The following CNGB1 variants were observed in gnomAD, a reference collection of about 807,000 sequenced individuals.
The protein encoded by CNGB1 is cyclic nucleotide gated channel subunit beta 1.
CNGB1 carries 126 observed loss-of-function variants against 151.7 expected under a neutral mutation model. The ratio of observed to expected loss-of-function variants is 0.83; its 90% CI spans 0.72 to 0.96. The LOEUF (loss-of-function observed/expected upper bound fraction) is 0.96. CNGB1 is among the 40% of genes least tolerant of loss of function. CNGB1 has a pLI of 0.00. For synonymous variants in CNGB1, 623 were observed against 635.1 expected, an observed-to-expected ratio of 0.98 and a Z score of 0.29; for missense variants, 1,698 against 1,627.0, an observed-to-expected ratio of 1.04 and a Z score of -0.75.
intron 2 of CNGB1, 69 bp from the exon 3 acceptor site, chr16:57,964,613 A>AT: frequency 6.9e-7 from 1 of 1,451,448 alleles, no homozygotes; most frequent in Non-Finnish European, 9.6e-7. Context: ...GGGCAGCCTG[A>AT]TTCTCCCTCA....
intron 12 of CNGB1, among the ~76,000 whole-genome samples, chr16:57,954,202 T>A (rs1371318996): frequency 6.6e-6 from 1 of 152,234 alleles, no homozygotes; most frequent in Non-Finnish European, 1.5e-5. Context: ...CTCTCCTGTA[T>A]GCCACACTTT....
chr16:57,921,502 G>A (rs1257122821), intron 18 of CNGB1, among the ~76,000 whole-genome samples: 19 of 152,240 alleles, frequency 1.2e-4, no homozygotes, highest in African/African-American at 1.9e-4. Context: ...GATTGCAGGC[G>A]TGAGACACCG....
At position 57,884,367 on chromosome 16, in the gene CNGB1, CG is replaced by C. The variant is rs1959848977; in HGVS notation, c.3552del (p.Ala1185ArgfsTer39). 6.2e-7 allele frequency: 1 copy of C among 1,611,186 alleles called. No homozygotes were observed. Among genetic ancestry groups the C allele is most frequent in the African/African-American group, 1.3e-5 (1 of 74,854 alleles). On this transcript the variant is annotated frameshift_variant, in exon 33 of 33. Coordinates refer to ENST00000251102, the MANE Select transcript of CNGB1 (RefSeq NM_001297.5). LOFTEE classifies it low-confidence loss of function (END_TRUNC). ...THPKEAATDP[P>X]APRTPPEPPG... is the part of the protein sequence containing the mutation. ...GGGGGCTCGGGGGGCGTCCGGGGCG[CG>C]GGTGGGTCGGTGGCGGCCTCCTTTG... is the stretch of plus-strand genomic sequence containing the variant.
At chr16:57,904,610 C>T in intron 26 of CNGB1, 124 bp downstream of exon 26, 1 of 1,362,034 alleles carries the variant, frequency 7.3e-7, no homozygotes, top group Non-Finnish European at 1.0e-6. Context: ...TCCTGACTCT[C>T]AGTCTAGTGC....
chr16:57,927,472 G>T (rs1262117270), intron 17 of CNGB1, among the ~76,000 whole-genome samples: 5 of 152,220 alleles, frequency 3.3e-5, no homozygotes, highest in African/African-American at 9.6e-5. Flanking sequence ...AGTCAACCTG[G>T]CACTTGCTTG....
chr16:57,938,141 C>T (rs1288040477), intron 16 of CNGB1, among the ~76,000 whole-genome samples: 1 of 152,178 alleles, frequency 6.6e-6, no homozygotes, highest in African/African-American at 2.4e-5. Flanking sequence ...TATGCCTCAG[C>T]ATTTCTCAGA....
At chr16:57,904,582 G>A in intron 26 of CNGB1, 152 bp downstream of exon 26, 2 of 1,053,814 alleles carry the variant, frequency 1.9e-6, no homozygotes, top group East Asian at 2.4e-5. Context: ...TCACCGCGCA[G>A]GGACCAGTGC....
At chr16:57,957,411 C>T in intron 11 of CNGB1, 34 bp from the exon 12 acceptor site, 4 of 1,607,484 alleles carry the variant, frequency 2.5e-6, no homozygotes, top group Middle Eastern at 1.7e-4. Context: ...AAAATCCTGC[C>T]ACGGCCTCTT....
intron 17 of CNGB1, among the ~76,000 whole-genome samples, chr16:57,930,925 G>A (rs891630509): frequency 7.2e-5 from 11 of 151,946 alleles, no homozygotes; most frequent in African/African-American, 2.7e-4. Context: ...CATGCAAGAC[G>A]AAAAATTCTA....
chr16:57,948,980 A>G (rs1331942636), intron 14 of CNGB1, among the ~76,000 whole-genome samples: 1 of 152,174 alleles, frequency 6.6e-6, no homozygotes, highest in Non-Finnish European at 1.5e-5. Context: ...GAATAAAGGG[A>G]GAACTGGGAG....
chr16:57,939,842 G>A (rs749342906), intron 15 of CNGB1, among the ~76,000 whole-genome samples: 8 of 152,210 alleles, frequency 5.3e-5, no homozygotes, highest in Non-Finnish European at 7.3e-5. Flanking sequence ...AGGGACACTC[G>A]CAGCCTGGCA....
chr16:57,892,959 C>T (rs1351265860), intron 31 of CNGB1, among the ~76,000 whole-genome samples: 1 of 152,184 alleles, frequency 6.6e-6, no homozygotes, highest in African/African-American at 2.4e-5. Context: ...CATCATCGCT[C>T]ATCTTTCCAT....
rs1490247410 is a variant in CNGB1 at position 57,959,887 on chromosome 16, C to G, written c.761+1G>C. ...GAGGCGCTGCATTGAGGGTGGCTCACCTGGCAGGGTCCCTGGTTGGTGGCA... is the reference window on the plus strand; with the variant it reads ...GAGGCGCTGCATTGAGGGTGGCTCAGCTGGCAGGGTCCCTGGTTGGTGGCA... On this transcript the variant is annotated splice_donor_variant, in intron 10 of 32. Coordinates refer to ENST00000251102, the MANE Select transcript of CNGB1 (RefSeq NM_001297.5). LOFTEE classifies it high-confidence loss of function. The G allele has an allele frequency of 4.6e-6, 7 of 1,526,244 alleles. No homozygotes were observed. The highest frequency in any genetic ancestry group is 6.2e-6 in the Non-Finnish European group (7 of 1,135,970). The allele number at this position is 1,526,244 out of a possible 1,614,324, so 94.5% of individuals were successfully genotyped here. A position where few individuals can be genotyped will look rare whatever the true frequency, so the allele number is the denominator to read the frequency against.
chr16:57,934,566 C>T (rs755326921), intron 16 of CNGB1, among the ~76,000 whole-genome samples: 1 of 152,176 alleles, frequency 6.6e-6, no homozygotes, highest in Non-Finnish European at 1.5e-5. Flanking sequence ...AATGTGTCCC[C>T]GGGAACATTT....
At position 57,895,266 on chromosome 16, in the gene CNGB1, T is replaced by TTTCA. The variant is rs1304843800; in HGVS notation, c.3242+2130_3242+2131insTGAA. 2.0e-5 allele frequency among the ~76,000 whole-genome samples: 3 copies of TTTCA among 152,252 alleles called. No homozygotes were observed. The East Asian group carries it at 5.8e-4, about 29-fold the overall frequency. On this transcript the variant is annotated intron_variant, in intron 31 of 32. Coordinates refer to ENST00000251102, the MANE Select transcript of CNGB1 (RefSeq NM_001297.5). ...TTTGAGACCAGTCTAGCCAACATGG[T>TTTCA]GAAACCCCATCTCTGCTGAAAATAC... is the stretch of plus-strand genomic sequence containing the variant.
At chr16:57,893,645 A>G (rs2149354013) in intron 31 of CNGB1, among the ~76,000 whole-genome samples, 1 of 152,278 alleles carries the variant, frequency 6.6e-6, no homozygotes, top group Middle Eastern at 3.4e-3. Flanking sequence ...TTAAAATACA[A>G]AAATTAGCCG....
At chr16:57,933,536 G>C (rs1961417633) in intron 16 of CNGB1, among the ~76,000 whole-genome samples, 1 of 152,136 alleles carries the variant, frequency 6.6e-6, no homozygotes, top group African/African-American at 2.4e-5. Context: ...CAAGCTCAGA[G>C]GATACTGAGA....
intron 1 of CNGB1, among the ~76,000 whole-genome samples, chr16:57,969,526 G>A (rs189848222): frequency 2.9e-4 from 44 of 152,224 alleles, no homozygotes; most frequent in Non-Finnish European, 5.3e-4. Context: ...GCTGAGGCAC[G>A]AGAATCACTG....
intron 2 of CNGB1, among the ~76,000 whole-genome samples, chr16:57,965,176 T>C (rs1404916976): frequency 2.0e-5 from 3 of 152,230 alleles, no homozygotes; most frequent in Admixed American, 2.0e-4. Flanking sequence ...TGAGCATATA[T>C]ACACATACAT....
Sources: gnomAD v4.1 joint callset for allele counts (sites outside exome capture counted in the v4.1 genomes callset) on GRCh38, gnomAD v4.1.1 for gene constraint, MANE v1.5 for transcripts, NCBI Gene and HGNC (gene_info 2026-07-23, HGNC 2026-07-21) for gene names.